Variants in HIF1A observed in about 807,000 individuals in gnomAD.
HIF1A encodes the protein hypoxia-inducible factor 1-alpha.
In HIF1A, 24 loss-of-function variants were observed where a neutral mutation model predicts 92.7. The observed-to-expected ratio is 0.26, with a 90% CI of 0.19 to 0.36. HIF1A has a LOEUF of 0.36. Ranked by LOEUF, HIF1A falls within the 10% of genes least tolerant of loss-of-function variation. HIF1A has a pLI of 1.00. For missense variants in HIF1A, 799 were observed against 998.5 expected, an observed-to-expected ratio of 0.80 and a Z score of 2.69; for synonymous variants, 319 against 338.7, an observed-to-expected ratio of 0.94 and a Z score of 0.64.
chr14:61,745,953 G>A (rs1279180430), intron 14 of HIF1A, 136 bp downstream of exon 14: 1 of 758,048 alleles, frequency 1.3e-6, no homozygotes, highest in Non-Finnish European at 2.1e-6. Context: ...GCTGGGCGCG[G>A]TGGCTCACAC....
intron 1 of HIF1A, chr14:61,697,792 G>C (rs1352398671): frequency 1.4e-6 from 2 of 1,454,564 alleles, no homozygotes; most frequent in African/African-American, 1.4e-5. Context: ...TTTTTTGAAA[G>C]ATAACTGAGA....
intron 4 of HIF1A, among the ~76,000 whole-genome samples, chr14:61,724,456 C>T (rs2044478137): frequency 6.7e-6 from 1 of 148,688 alleles, no homozygotes; most frequent in Admixed American, 6.8e-5. Flanking sequence ...CTCTTAAATC[C>T]TTCCAGGGAG....
rs1338114141 is a variant in HIF1A at position 61,747,090 on chromosome 14, T to C, written c.*5T>C. 3.1e-6 allele frequency: 5 copies of C among 1,597,646 alleles called. No individual in the cohort carries two copies. The highest frequency in any genetic ancestry group is 3.7e-5 in the Admixed American group (2 of 54,634). The stretch of plus-strand genomic sequence containing the variant: ...GCTTTGGATCAAGTTAACTGAGCTT[T>C]TTCTTAATTTCATTCCTTTTTTTGG... On this transcript the variant is annotated 3_prime_UTR_variant, in exon 15 of 15. Coordinates refer to ENST00000337138, the MANE Select transcript of HIF1A (RefSeq NM_001530.4).
intron 1 of HIF1A, among the ~76,000 whole-genome samples, chr14:61,701,537 G>A (rs550842319): frequency 2.0e-5 from 3 of 152,140 alleles, no homozygotes; most frequent in South Asian, 4.2e-4. Context: ...GTTTAAAGGC[G>A]AAAGTTGAAG....
Position 61,727,599 on chromosome 14 carries a change from C to A in HIF1A, c.717C>A (p.Ser239Arg), listed in dbSNP as rs2044522237. ...CAAATATTGAAATTCCTTTAGATAGCAAGACTTTCCTCAGTCGACACAGCC... is the reference window on the plus strand; with the variant it reads ...CAAATATTGAAATTCCTTTAGATAGAAAGACTTTCCTCAGTCGACACAGCC... ...HPSNIEIPLDSKTFLSRHSLD... is the reference protein window; with the variant it reads ...HPSNIEIPLDRKTFLSRHSLD... Residue 239 changes from serine to arginine, a missense_variant, in exon 6 of 15, where the codon AGC (serine) becomes AGA (arginine). Physicochemically the swap from Ser to Arg is moderately radical, Grantham distance 110. Around this residue, in one of 2 missense-constraint regions of HIF1A, gnomAD observed 516 missense variants for 721.0 expected, o/e 0.72. Transcript: ENST00000337138. The A allele has an allele frequency of 6.2e-7, 1 of 1,613,658 alleles. No homozygotes were observed. Among genetic ancestry groups the A allele is most frequent in the Non-Finnish European group, 8.5e-7 (1 of 1,179,640 alleles).
intron 1 of HIF1A, among the ~76,000 whole-genome samples, chr14:61,706,818 G>A (rs1442418588): frequency 6.6e-6 from 1 of 152,170 alleles, no homozygotes; most frequent in African/African-American, 2.4e-5. Context: ...TCAGGATTAT[G>A]TTGATATTAT....
At chr14:61,742,237 T>G (rs1164046776) in intron 12 of HIF1A, among the ~76,000 whole-genome samples, 1 of 152,170 alleles carries the variant, frequency 6.6e-6, no homozygotes, top group African/African-American at 2.4e-5. Flanking sequence ...CTAGAAGAAA[T>G]TAAGTTTTAT....
chr14:61,721,790 G>T lies in HIF1A; in HGVS notation c.424G>T (p.Glu142Ter). The T allele has an allele frequency of 6.2e-7, 1 of 1,613,166 alleles. No homozygotes were observed. The highest frequency in any genetic ancestry group is 8.5e-7 in the Non-Finnish European group (1 of 1,179,304). Reference protein sequence around the residue: ...VFDFTHPCDHEEMREMLTHRN... With the variant: ...VFDFTHPCDH Reference sequence around the variant, plus strand: ...TGATTTTACTCATCCATGTGACCATGAGGAAATGAGAGAAATGCTTACACA... The same window carrying T: ...TGATTTTACTCATCCATGTGACCATTAGGAAATGAGAGAAATGCTTACACA... Residue 142 changes from glutamate to a stop codon, truncating the protein, a stop_gained, in exon 4 of 15, where the codon GAG (glutamate) becomes TAG (stop). Transcript: ENST00000337138. LOFTEE classifies it high-confidence loss of function.
At chr14:61,731,873 AT>A (rs1412627528) in intron 6 of HIF1A, among the ~76,000 whole-genome samples, 1 of 152,248 alleles carries the variant, frequency 6.6e-6, no homozygotes, top group African/African-American at 2.4e-5. Flanking sequence ...ACGTTGGCTC[AT>A]GCCTGTAATC....
chr14:61,735,589 T>C (rs573037270), intron 8 of HIF1A, among the ~76,000 whole-genome samples: 1 of 152,224 alleles, frequency 6.6e-6, no homozygotes, highest in African/African-American at 2.4e-5. Flanking sequence ...TTTCTTAAGG[T>C]CAAGGGTTGG....
At chr14:61,730,214 C>G (rs1221211405) in intron 6 of HIF1A, among the ~76,000 whole-genome samples, 1 of 151,998 alleles carries the variant, frequency 6.6e-6, no homozygotes, top group Non-Finnish European at 1.5e-5. Flanking sequence ...TTCTGGACAC[C>G]CCGACCCTTT....
intron 4 of HIF1A, among the ~76,000 whole-genome samples, chr14:61,723,425 C>A (rs1227877336): frequency 2.6e-5 from 4 of 152,260 alleles, no homozygotes; most frequent in African/African-American, 7.2e-5. Flanking sequence ...AGTAGACTGG[C>A]TTCAGAGTCC....
intron 1 of HIF1A, among the ~76,000 whole-genome samples, chr14:61,714,247 T>A (rs1429047474): frequency 5.3e-5 from 8 of 152,156 alleles, no homozygotes; most frequent in Non-Finnish European, 7.4e-5. Flanking sequence ...TAGTAAACAG[T>A]CTTATGCAAA....
At chr14:61,738,424 C>T in intron 10 of HIF1A, 51 bp downstream of exon 10, 1 of 1,407,142 alleles carries the variant, frequency 7.1e-7, no homozygotes, top group Non-Finnish European at 9.7e-7. Flanking sequence ...TTTTAACATT[C>T]AAGAATGTAT....
At position 61,740,901 on chromosome 14, in the gene HIF1A, C is replaced by A; in HGVS notation, c.1806C>A (p.Phe602Leu). 6.2e-7 allele frequency: 1 copy of A among 1,614,170 alleles called. No homozygotes were observed. ...GTCCTCAAAGCACAGTTACAGTATT[C>A]CAGCAGACTCAAATACAAGAACCTA... ...SASPQSTVTVFQQTQIQEPTA... is the reference protein window; with the variant it reads ...SASPQSTVTVLQQTQIQEPTA... Residue 602 changes from phenylalanine to leucine, a missense_variant, in exon 12 of 15, where the codon TTC (phenylalanine) becomes TTA (leucine). This residue lies in a region of HIF1A where 283 missense variants were observed against 277.5 expected (regional missense o/e 1.02). Transcript: ENST00000337138.
rs1010804073 is a variant in HIF1A, at chr14:61,748,070, T to C, written c.*985T>C. The C allele has an allele frequency of 6.6e-6, 1 of 152,594 alleles. No individual in the cohort carries two copies. The highest frequency in any genetic ancestry group is 1.5e-5 in the Non-Finnish European group (1 of 67,968). 9.5% of individuals were successfully genotyped at this position (152,594 alleles called of 1,614,324 possible). ...ACTTTGTCGCTATTAACATCCTTTT[T>C]TTCATGTAGATTTCAATAATTGAGT... On this transcript the variant is annotated 3_prime_UTR_variant, in exon 15 of 15. Coordinates refer to ENST00000337138, the MANE Select transcript of HIF1A (RefSeq NM_001530.4).
chr14:61,728,313 A>T (rs930441167), intron 6 of HIF1A, among the ~76,000 whole-genome samples: 2 of 152,216 alleles, frequency 1.3e-5, no homozygotes, highest in African/African-American at 4.8e-5. Context: ...GTGTTTGTAC[A>T]TCTCTTCATC....
intron 1 of HIF1A, among the ~76,000 whole-genome samples, chr14:61,703,961 C>A (rs1363145978): frequency 6.6e-6 from 1 of 152,096 alleles, no homozygotes; most frequent in Non-Finnish European, 1.5e-5. Flanking sequence ...GTTTTCATCT[C>A]AAGAAAAAGA....
Position 61,741,086 on chromosome 14 carries a change from G to A in HIF1A, c.1991G>A (p.Ser664Asn), listed in dbSNP as rs2044705134. 1.2e-6 allele frequency: 2 copies of A among 1,613,912 alleles called. No homozygotes were observed. The highest frequency in any genetic ancestry group is 1.7e-6 in the Non-Finnish European group (2 of 1,179,898). ...TCATCACCATATAGAGATACTCAAA[G>A]TCGGACAGCCTCACCAAACAGAGCA... ...ATSSPYRDTQ[S>N]RTASPNRAGK... The change falls in exon 12 of 15, where the codon AGT (serine) becomes AAT (asparagine). Residue 664 changes from serine to asparagine, a missense_variant. Physicochemically the swap from Ser to Asn is conservative, Grantham distance 46 (BLOSUM62 1). Transcript: ENST00000337138.
Sources: allele counts gnomAD v4.1 joint callset (sites outside exome capture counted in the v4.1 genomes callset), GRCh38; gene constraint gnomAD v4.1.1; regional missense constraint gnomAD v4.1.1; transcripts MANE v1.5; gene names NCBI Gene and HGNC (gene_info 2026-07-23, HGNC 2026-07-21).